Variants in MAGEC3 observed in about 807,000 individuals in gnomAD.
The protein encoded by MAGEC3 is melanoma-associated antigen C3.
A neutral mutation model predicts 35.3 loss-of-function variants in MAGEC3; 34 were observed. The ratio of observed to expected loss-of-function variants is 0.96; its 90% CI spans 0.73 to 1.28. MAGEC3 has a LOEUF of 1.28. Ranked by LOEUF, MAGEC3 falls within the 50% of genes most tolerant of loss-of-function variation. The pLI is 0.00. For synonymous variants in MAGEC3, 202 were observed against 185.6 expected (o/e 1.09, Z -0.72); for missense variants, 561 against 483.6 (o/e 1.16, Z -1.50).
intron 4 of MAGEC3, among the ~76,000 whole-genome samples, chrX:141,889,496 A>G (rs1464688956): frequency 8.9e-6 from 1 of 111,908 alleles, no homozygotes; most frequent in African/African-American, 3.3e-5. Flanking sequence ...TCACCTGGAC[A>G]CTCTGGGCTC....
At position 141,897,263 on chromosome X, in the gene MAGEC3, A is replaced by G. The variant is rs1200714551; in HGVS notation, c.1505A>G (p.His502Arg). ...TTTCCCATGATCTTCGGGAAAGCCC[A>G]TGAGTTCATAGAGCTAATTTTTGGC... ...DYFPMIFGKA[H>R]EFIELIFGIA... The change falls in exon 7 of 8, where the codon CAT becomes CGT. Residue 502 changes from histidine (H) to arginine (R), a missense_variant. Physicochemically the swap from His to Arg is conservative, Grantham distance 29. Coordinates refer to ENST00000298296, the MANE Select transcript of MAGEC3 (RefSeq NM_138702.1). 2.5e-6 allele frequency: 3 copies of G among 1,210,405 alleles called. No individual in the cohort carries two copies. Among genetic ancestry groups the G allele is most frequent in the Non-Finnish European group, 3.4e-6 (3 of 895,316 alleles).
At chrX:141,884,586 C>A (rs1009060308) in intron 4 of MAGEC3, among the ~76,000 whole-genome samples, 3 of 111,363 alleles carry the variant, frequency 2.7e-5, no homozygotes, top group African/African-American at 6.5e-5. Flanking sequence ...GGAGGTCTTT[C>A]ATTGGTTTTG....
At chrX:141,838,835 G>A (rs1378663744) in intron 1 of MAGEC3, 13 of 751,687 alleles carry the variant, frequency 1.7e-5, no homozygotes, top group Non-Finnish European at 2.0e-5. Flanking sequence ...CTATGTCCCT[G>A]GGGCAGCAGT....
At chrX:141,841,780 C>G (rs1247135931) in intron 1 of MAGEC3, among the ~76,000 whole-genome samples, 1 of 111,667 alleles carries the variant, frequency 9.0e-6, no homozygotes, top group Admixed American at 9.6e-5. Flanking sequence ...TGAAATAGTA[C>G]CCTTCCTTTT....
chrX:141,874,550 C>G (rs1294505119), intron 2 of MAGEC3, among the ~76,000 whole-genome samples: 3 of 111,474 alleles, frequency 2.7e-5, no homozygotes, highest in African/African-American at 9.8e-5. Flanking sequence ...AGTAGATACA[C>G]ACTACACCAA....
chrX:141,853,271 G>A (rs947357088), intron 1 of MAGEC3, among the ~76,000 whole-genome samples: 1 of 111,326 alleles, frequency 9.0e-6, no homozygotes, highest in African/African-American at 3.3e-5. Flanking sequence ...CAAGATGCAT[G>A]TCAGTTTTTG....
At chrX:141,838,867 G>T (rs2017669081) in intron 1 of MAGEC3, 3 of 752,526 alleles carry the variant, frequency 4.0e-6, no homozygotes, top group Non-Finnish European at 4.7e-6. Flanking sequence ...TTGCACCTCA[G>T]CCCTGGGCTA....
At chrX:141,863,879 A>G (rs2017830958) in intron 1 of MAGEC3, among the ~76,000 whole-genome samples, 2 of 111,734 alleles carry the variant, frequency 1.8e-5, no homozygotes, top group Non-Finnish European at 3.8e-5. Flanking sequence ...TGGAAAAAAT[A>G]TATAGCACTC....
chrX:141,890,297 C>T (rs912652819), intron 4 of MAGEC3, among the ~76,000 whole-genome samples: 1 of 111,028 alleles, frequency 9.0e-6, no homozygotes, highest in Admixed American at 9.6e-5. Flanking sequence ...CTCTGCCTCC[C>T]GAGTTCAAGT....
intron 6 of MAGEC3, 133 bp downstream of exon 6, chrX:141,895,692 A>G: frequency 7.9e-6 from 2 of 252,455 alleles, no homozygotes; most frequent in Non-Finnish European, 1.1e-5. Context: ...CAGTCAGCTC[A>G]GGCTGAGCGG....
intron 6 of MAGEC3, chrX:141,896,535 T>A: frequency 8.4e-7 from 1 of 1,191,848 alleles, no homozygotes; most frequent in East Asian, 3.0e-5. Flanking sequence ...AGAACCATCA[T>A]AGGTGAGTTT....
intron 3 of MAGEC3, among the ~76,000 whole-genome samples, 173 bp from the exon 4 acceptor site, chrX:141,881,230 G>A (rs1168530716): frequency 1.8e-5 from 2 of 109,978 alleles, no homozygotes; most frequent in Non-Finnish European, 3.8e-5. Flanking sequence ...TGCTCATGAG[G>A]AGGAGGAGGA....
At position 141,866,246 on chromosome X, in the gene MAGEC3, C is replaced by T. The variant is rs146200361; in HGVS notation, c.258+641C>T. 2.1e-3 allele frequency among the ~76,000 whole-genome samples: 237 copies of T among 112,005 alleles called. 1 individual carries two copies. Among genetic ancestry groups the T allele is most frequent in the African/African-American group, 7.2e-3 (223 of 30,806 alleles). ...CTAAGTCCAGTTCAAAAGATTTCCT[C>T]CTATGTTTTCTCATAAGTTTTATAG... On this transcript the variant is annotated intron_variant, in intron 2 of 7. Transcript: ENST00000298296.
At chrX:141,843,910 T>C (rs2017701013) in intron 1 of MAGEC3, among the ~76,000 whole-genome samples, 1 of 111,039 alleles carries the variant, frequency 9.0e-6, no homozygotes, top group East Asian at 2.8e-4. Flanking sequence ...TGTGCTCTCC[T>C]CAAGCGCATC....
rs58050577 is a variant in MAGEC3 at position 141,863,886 on chromosome X, A to G, written c.124-1585A>G. On this transcript the variant is annotated intron_variant, in intron 1 of 7. Transcript: ENST00000298296. The stretch of plus-strand genomic sequence containing the variant: ...TTGCTGGTTGGAAAAAATATATAGC[A>G]CTCGTTCGATGAAAGCATTGTATTA... 8.6e-3 allele frequency among the ~76,000 whole-genome samples: 959 copies of G among 111,053 alleles called. 7 individuals carry two copies. Among genetic ancestry groups the G allele is most frequent in the African/African-American group, 0.03 (921 of 30,559 alleles).
At position 141,840,944 on chromosome X, in the gene MAGEC3, A is replaced by G. The variant is rs1464648474; in HGVS notation, c.123+2506A>G. 2.7e-5 allele frequency among the ~76,000 whole-genome samples: 3 copies of G among 111,367 alleles called. No individual in the cohort carries two copies. The East Asian group carries it at 8.4e-4, about 31-fold the overall frequency. On this transcript the variant is annotated intron_variant, in intron 1 of 7. Coordinates refer to ENST00000298296, the MANE Select transcript of MAGEC3 (RefSeq NM_138702.1). ...CATCTGCCTTTCTACTGGCTAATTA[A>G]CTATAGTTTATAAATATGTTTAATA...
intron 2 of MAGEC3, among the ~76,000 whole-genome samples, chrX:141,874,848 C>T (rs2017910577): frequency 9.3e-6 from 1 of 107,530 alleles, no homozygotes; most frequent in Non-Finnish European, 1.9e-5. Context: ...AAAGAAAACA[C>T]ACTAAACACA....
chrX:141,894,029 A>T (rs1394028118), intron 4 of MAGEC3, among the ~76,000 whole-genome samples: 1 of 112,035 alleles, frequency 8.9e-6, no homozygotes, highest in Non-Finnish European at 1.9e-5. Context: ...GCTAGTTGAG[A>T]TGAAAAATGA....
chrX:141,839,523 G>A (rs1405941409), intron 1 of MAGEC3: 10 of 751,986 alleles, frequency 1.3e-5, no homozygotes, highest in South Asian at 6.8e-5. Flanking sequence ...CTTGGCTGCC[G>A]GCTCTGGCTA....
Sources: allele counts gnomAD v4.1 joint callset (sites outside exome capture counted in the v4.1 genomes callset), GRCh38; gene constraint gnomAD v4.1.1; transcripts MANE v1.5; gene names NCBI Gene and HGNC (gene_info 2026-07-23, HGNC 2026-07-21).